The following DSCAML1 variants were observed in gnomAD, a reference collection of about 807,000 sequenced individuals.
DSCAML1 encodes the protein cell adhesion molecule DSCAML1.
In DSCAML1, 38 loss-of-function variants were observed where a neutral mutation model predicts 200.5. The ratio of observed to expected loss-of-function variants is 0.19; its 90% confidence interval spans 0.15 to 0.25. DSCAML1 has a LOEUF of 0.25. DSCAML1 is among the 10% of genes least tolerant of loss of function. DSCAML1 has a pLI of 1.00. For synonymous variants in DSCAML1, 1,215 were observed against 1,165.0 expected (o/e 1.04, Z -0.87); for missense variants, 2,223 against 2,858.8 (o/e 0.78, Z 5.07).
intron 3 of DSCAML1, among the ~76,000 whole-genome samples, chr11:117,643,725 G>T (rs183790836): frequency 6.6e-6 from 1 of 151,994 alleles, no homozygotes; most frequent in African/African-American, 2.4e-5. Flanking sequence ...AACAATGCTC[G>T]GGTGATCACC....
At chr11:117,510,411 G>A (rs1041565625) in intron 8 of DSCAML1, among the ~76,000 whole-genome samples, 10 of 152,110 alleles carry the variant, frequency 6.6e-5, no homozygotes, top group South Asian at 2.1e-4. Flanking sequence ...AAAATGGAGC[G>A]GTTGAACCAA....
intron 20 of DSCAML1, among the ~76,000 whole-genome samples, chr11:117,447,330 G>C (rs777757213): frequency 3.3e-5 from 5 of 152,128 alleles, no homozygotes; most frequent in Non-Finnish European, 5.9e-5. Flanking sequence ...TGATGGTGTA[G>C]GAAAGCACCA....
intron 3 of DSCAML1, among the ~76,000 whole-genome samples, chr11:117,584,065 C>T (rs1009618749): frequency 1.3e-5 from 2 of 151,994 alleles, no homozygotes; most frequent in African/African-American, 4.8e-5. Flanking sequence ...CCCACCCCCT[C>T]CTCTCCTACC....
At chr11:117,707,603 G>A (rs548783235) in intron 3 of DSCAML1, among the ~76,000 whole-genome samples, 1 of 152,044 alleles carries the variant, frequency 6.6e-6, no homozygotes, top group African/African-American at 2.4e-5. Context: ...GCGTGACCTC[G>A]ACTCACTGCA....
chr11:117,592,823 C>A (rs754652372), intron 3 of DSCAML1, among the ~76,000 whole-genome samples: 45 of 152,234 alleles, frequency 3.0e-4, no homozygotes, highest in Admixed American at 1.3e-3. Flanking sequence ...GGCACCCGGG[C>A]AGTCTGCTTC....
chr11:117,755,523 T>C (rs889772962), intron 3 of DSCAML1, among the ~76,000 whole-genome samples: 2 of 152,328 alleles, frequency 1.3e-5, no homozygotes. Flanking sequence ...TTGTCATCCC[T>C]TTCCTACCCC....
chr11:117,524,759 G>T (rs373141970), intron 5 of DSCAML1, 46 bp downstream of exon 5: 15 of 1,536,230 alleles, frequency 9.8e-6, no homozygotes, highest in Non-Finnish European at 1.3e-5. Context: ...CCCCTGAGGC[G>T]CCCTCAGAGG....
In DSCAML1 at chr11:117,539,226, C is replaced by T. The variant is rs372819882; in HGVS notation, c.512-6704G>A. ...CTTCAGGAAGCCTTCCCAGATTAAA[C>T]CCACTCCCATTTCTGAGTGTTTCTG... is the stretch of plus-strand genomic sequence containing the variant. On this transcript the variant is annotated intron_variant, in intron 3 of 32. Transcript: ENST00000651296. Among the ~76,000 whole-genome samples, 37 of 152,324 alleles carry T rather than the reference C, an allele frequency of 2.4e-4. No individual in the cohort carries two copies. In the East Asian group the frequency reaches 6.4e-3, roughly 26 times the overall value.
At chr11:117,626,792 C>T (rs2137562496) in intron 3 of DSCAML1, among the ~76,000 whole-genome samples, 1 of 152,338 alleles carries the variant, frequency 6.6e-6, no homozygotes, top group Admixed American at 6.5e-5. Context: ...ACCGCCCTGA[C>T]ATTGTGACCA....
At position 117,809,545 on chromosome 11, in the gene DSCAML1, C is replaced by CG. The variant is rs369119124; in HGVS notation, c.-250+7844dup. ...CTGCTGTGCAGTACAACATAGACGGCGGCCACTCAAATTCTCCACTACACA... is the reference window on the plus strand; with the variant it reads ...CTGCTGTGCAGTACAACATAGACGGCGGGCCACTCAAATTCTCCACTACACA... On this transcript the variant is annotated intron_variant, in intron 1 of 2. Coordinates refer to the DSCAML1 transcript ENST00000525836. Among the ~76,000 whole-genome samples, 773 of 152,314 alleles carry CG rather than the reference C, an allele frequency of 5.1e-3. 4 individuals carry two copies. Among genetic ancestry groups the CG allele is most frequent in the African/African-American group, 0.017 (723 of 41,562 alleles).
intron 3 of DSCAML1, among the ~76,000 whole-genome samples, chr11:117,715,381 C>G (rs1174876629): frequency 6.6e-6 from 1 of 152,204 alleles, no homozygotes; most frequent in African/African-American, 2.4e-5. Context: ...CTTTGTACCC[C>G]CAGCCGTAGC....
At chr11:117,740,046 A>T (rs1343110867) in intron 3 of DSCAML1, among the ~76,000 whole-genome samples, 1 of 152,162 alleles carries the variant, frequency 6.6e-6, no homozygotes, top group African/African-American at 2.4e-5. Context: ...GATTCCCAAA[A>T]GGGATGTTTC....
At chr11:117,515,226 A>G (rs563883612) in intron 8 of DSCAML1, among the ~76,000 whole-genome samples, 5 of 152,260 alleles carry the variant, frequency 3.3e-5, no homozygotes, top group Non-Finnish European at 7.4e-5. Flanking sequence ...CTCTTCACGA[A>G]GAGACATAAG....
In DSCAML1 at chr11:117,771,299, G is replaced by A. The variant is rs186837072; in HGVS notation, c.511+5492C>T. On this transcript the variant is annotated intron_variant, in intron 3 of 32. Transcript: ENST00000651296. ...TGTTGTATTGAGATTATCCATCCCC[G>A]TCCATCAGAGCCGACAACATGAGCT... 5.6e-4 allele frequency among the ~76,000 whole-genome samples: 85 copies of A among 152,260 alleles called. 4 individuals carry two copies. The Middle Eastern group carries it at 0.034, about 61-fold the overall frequency.
Position 117,735,254 on chromosome 11 carries a change from C to T in DSCAML1, c.511+41537G>A, listed in dbSNP as rs537177483. On this transcript the variant is annotated intron_variant, in intron 3 of 32. Coordinates refer to ENST00000651296, the MANE Select transcript of DSCAML1 (RefSeq NM_020693.4). ...ACAGGAAGAATTTGAAGCCCAGGAA[C>T]GCCAAAGAGTGTGTCTACGGCCACA... Among the ~76,000 whole-genome samples the T allele has an allele frequency of 3.3e-5, 5 of 152,316 alleles. No individual in the cohort carries two copies. In the East Asian group the frequency reaches 5.8e-4, roughly 18 times the overall value.
chr11:117,607,877 G>A (rs1441419299), intron 3 of DSCAML1, among the ~76,000 whole-genome samples: 1 of 152,228 alleles, frequency 6.6e-6, no homozygotes, highest in Non-Finnish European at 1.5e-5. Context: ...TAGGGAAAAA[G>A]AGTCTTAATA....
chr11:117,772,631 G>A (rs2055060016), intron 3 of DSCAML1, among the ~76,000 whole-genome samples: 1 of 152,210 alleles, frequency 6.6e-6, no homozygotes, highest in African/African-American at 2.4e-5. Context: ...GATATAATCA[G>A]GTCTGGTGGA....
At position 117,664,534 on chromosome 11, in the gene DSCAML1, T is replaced by A. The variant is rs564689081; in HGVS notation, c.511+112257A>T. Reference sequence around the variant, plus strand: ...ACAGCTCCTACCTTACATTGCTGTTTTGAGGTGTTACGCTTGTATATGAAA... The same window carrying A: ...ACAGCTCCTACCTTACATTGCTGTTATGAGGTGTTACGCTTGTATATGAAA... On this transcript the variant is annotated intron_variant, in intron 3 of 32. Transcript: ENST00000651296. Among the ~76,000 whole-genome samples the A allele has an allele frequency of 4.5e-3, 684 of 152,280 alleles. 2 individuals are homozygous for A. The highest frequency in any genetic ancestry group is 6.0e-3 in the Non-Finnish European group (410 of 68,020).
At position 117,518,556 on chromosome 11, in the gene DSCAML1, C is replaced by T. The variant is rs1372184432; in HGVS notation, c.1420G>A (p.Gly474Ser). The T allele has an allele frequency of 6.2e-7, 1 of 1,614,204 alleles. No individual in the cohort carries two copies. The highest frequency in any genetic ancestry group is 8.5e-7 in the Non-Finnish European group (1 of 1,180,042). The change falls in exon 7 of 33, where the codon GGC (glycine) becomes AGC (serine). Residue 474 changes from glycine to serine, a missense_variant. Gly to Ser is a moderately conservative substitution (Grantham distance 56). Transcript: ENST00000651296. The surrounding 1 kb of genome is among the most constrained non-coding windows in gnomAD (Gnocchi z 6.3). ...GTTISHMNVT[G>S]PQIRDGGVYR... ...ACGCCCCCGTCGCGGATCTGGGGGC[C>T]TGTGACGTTCATGTGGCTGATGGTG...
Sources: allele counts gnomAD v4.1 joint callset (sites outside exome capture counted in the v4.1 genomes callset), GRCh38; gene constraint gnomAD v4.1.1; non-coding constraint Gnocchi (gnomAD v3.1); transcripts MANE v1.5; gene names NCBI Gene and HGNC (gene_info 2026-07-23, HGNC 2026-07-21).